Variants in LHX2 observed in about 807,000 individuals in gnomAD.
LHX2 encodes the protein LIM homeobox 2.
LHX2 carries 6 observed loss-of-function variants against 33.0 expected under a neutral mutation model. That is an observed-to-expected ratio of 0.18 (90% CI 0.10 to 0.36). The LOEUF is 0.36. Among genes scored for constraint, LHX2 ranks in the 10% least tolerant of loss-of-function variants. The pLI is 1.00. For synonymous variants in LHX2, 292 were observed against 253.1 expected (o/e 1.15, Z -1.46); for missense variants, 442 against 586.2 (o/e 0.75, Z 2.54).
At chr9:124,027,140 G>C (rs1262017381) in intron 4 of LHX2, among the ~76,000 whole-genome samples, 1 of 152,060 alleles carries the variant, frequency 6.6e-6, no homozygotes, top group Admixed American at 6.5e-5. Flanking sequence ...TAGAACCAAG[G>C]GTTTCTGATT....
At chr9:124,029,384 A>G (rs770092261) in intron 4 of LHX2, among the ~76,000 whole-genome samples, 50 of 152,250 alleles carry the variant, frequency 3.3e-4, no homozygotes, top group Non-Finnish European at 2.5e-4. Context: ...TCAAACTCTC[A>G]GGAGTGGACT....
At chr9:124,028,835 C>T (rs1217514124) in intron 4 of LHX2, among the ~76,000 whole-genome samples, 5 of 152,240 alleles carry the variant, frequency 3.3e-5, no homozygotes, top group South Asian at 2.1e-4. Context: ...AGGGCAGGCA[C>T]GGTGGCTCAT....
In LHX2 at chr9:124,021,268, C is replaced by T. The variant is rs1023798362; in HGVS notation, c.897C>T (p.Leu299=). Residue 299 remains leucine (L), a synonymous_variant, in exon 4 of 5, where the codon CTC becomes CTT. Coordinates refer to ENST00000373615, the MANE Select transcript of LHX2 (RefSeq NM_004789.4). The part of the protein sequence containing the change: ...HNPDAKDLKQ[L]AQKTGLTKRV... ...CCGACGCCAAGGACTTGAAGCAGCTCGCGCAAAAGACGGGCCTCACCAAGC... is the reference window on the plus strand; with the variant it reads ...CCGACGCCAAGGACTTGAAGCAGCTTGCGCAAAAGACGGGCCTCACCAAGC... The T allele has an allele frequency of 1.9e-6, 3 of 1,614,010 alleles. No individual in the cohort carries two copies. The highest frequency in any genetic ancestry group is 2.2e-5 in the South Asian group (2 of 91,082).
intron 3 of LHX2, among the ~76,000 whole-genome samples, chr9:124,017,045 A>G (rs1351991751): frequency 6.6e-6 from 1 of 152,096 alleles, no homozygotes; most frequent in Non-Finnish European, 1.5e-5. Context: ...GCAAAAAGAG[A>G]GTAGAAGGTA....
At position 124,012,147 on chromosome 9, in the gene LHX2, C is replaced by G. The variant is rs1231258448; in HGVS notation, c.-202C>G. ...CAGGCGCCCCGCAATGTAGCTGCCC[C>G]TGCGCCTCGGCGGGAGGCGTCCTGC... is the stretch of plus-strand genomic sequence containing the variant. On this transcript the variant is annotated 5_prime_UTR_variant, in exon 1 of 5. Transcript: ENST00000373615. The surrounding 1 kb of genome is among the most constrained non-coding windows in gnomAD (Gnocchi z 4.3). 2 of 268,758 alleles carry G rather than the reference C, an allele frequency of 7.4e-6. No individual in the cohort carries two copies. Among genetic ancestry groups the G allele is most frequent in the Non-Finnish European group, 1.3e-5 (2 of 155,468 alleles). The allele number at this position is 268,758 out of a possible 1,614,324, so 16.6% of individuals were successfully genotyped here. A position where few individuals can be genotyped will look rare whatever the true frequency, so the allele number is the denominator to read the frequency against.
chr9:124,032,533 G>A lies in LHX2; in HGVS notation c.1047G>A (p.Pro349=), dbSNP rs3739828. 7.9e-4 allele frequency: 1,275 copies of A among 1,613,864 alleles called. 39 individuals carry two copies. In the East Asian group the frequency reaches 0.028, roughly 35 times the overall value. The change falls in exon 5 of 5, where the codon CCG becomes CCA. Residue 349 remains proline, a synonymous_variant. Transcript: ENST00000373615. This position sits in a 1 kb window ranked among gnomAD's most constrained non-coding sequence, Gnocchi z 4.1. ...AALQTGTPSG[P]ASELSNASLS... ...TGCAGACAGGGACGCCATCGGGCCC[G>A]GCCTCGGAGCTCTCCAACGCCTCGC...
rs1859186299 is a variant in LHX2 at position 124,016,146 on chromosome 9, C to T, written c.727+621C>T. ...ACTTTTTCCTCCGAGTTTCCTGGCG[C>T]CTGCTGGGGTGAGGGCCGTGACCCT... On this transcript the variant is annotated intron_variant, in intron 3 of 4. Transcript: ENST00000373615. This position sits in a 1 kb window ranked among gnomAD's most constrained non-coding sequence, Gnocchi z 4.4. 6.6e-6 allele frequency among the ~76,000 whole-genome samples: 1 copy of T among 152,044 alleles called. No homozygotes were observed. Among genetic ancestry groups the T allele is most frequent in the Non-Finnish European group, 1.5e-5 (1 of 67,996 alleles).
At chr9:124,024,730 C>T (rs773360067) in intron 4 of LHX2, among the ~76,000 whole-genome samples, 3 of 152,174 alleles carry the variant, frequency 2.0e-5, no homozygotes, top group Non-Finnish European at 4.4e-5. Context: ...TTCTGCAACC[C>T]TCTTTGCACA....
In LHX2 at chr9:124,014,559, C is replaced by T. The variant is rs1402267297; in HGVS notation, c.323+396C>T. ...GAGTGAAACACAGCTGGAAAGAGAGCTGTGGGAGTGGGTGCATTTCCAGGT... is the reference window on the plus strand; with the variant it reads ...GAGTGAAACACAGCTGGAAAGAGAGTTGTGGGAGTGGGTGCATTTCCAGGT... On this transcript the variant is annotated intron_variant, in intron 2 of 4. Coordinates refer to ENST00000373615, the MANE Select transcript of LHX2 (RefSeq NM_004789.4). This position sits in a 1 kb window ranked among gnomAD's most constrained non-coding sequence, Gnocchi z 4.8. Among the ~76,000 whole-genome samples, 1 of 152,148 alleles carries T rather than the reference C, an allele frequency of 6.6e-6. No individual in the cohort carries two copies. Among genetic ancestry groups the T allele is most frequent in the African/African-American group, 2.4e-5 (1 of 41,436 alleles).
Position 124,015,119 on chromosome 9 carries a change from C to T in LHX2, c.324-3C>T, listed in dbSNP as rs770055097. 1.9e-6 allele frequency: 3 copies of T among 1,612,078 alleles called. No homozygotes were observed. Among genetic ancestry groups the T allele is most frequent in the East Asian group, 2.2e-5 (1 of 44,892 alleles). ...ACAGCCCCTCCCTCCATGGTCCCTA[C>T]AGGCGCTTCTCTGTGCAGCGCTGCG... On this transcript the variant is annotated splice_region_variant and splice_polypyrimidine_tract_variant and intron_variant, in intron 2 of 4. Transcript: ENST00000373615. The surrounding 1 kb of genome is among the most constrained non-coding windows in gnomAD (Gnocchi z 7.9).
chr9:124,025,440 CAAAAAAAAAAAAA>C (rs71999375), intron 4 of LHX2, among the ~76,000 whole-genome samples: 15 of 104,294 alleles, frequency 1.4e-4, no homozygotes, highest in Admixed American at 1.7e-4. Flanking sequence ...GACTCTGTCT[CAAAAAAAAAAAAA>C]AAAAAAAAAA....
chr9:124,032,951 C>T lies in LHX2; in HGVS notation c.*244C>T, dbSNP rs976090409. ...TCACTGTACAGTTTTGTGGACTGAG[C>T]GAGGAAAAACAACAAATAATTTAAG... is the stretch of plus-strand genomic sequence containing the variant. On this transcript the variant is annotated 3_prime_UTR_variant, in exon 5 of 5. Coordinates refer to ENST00000373615, the MANE Select transcript of LHX2 (RefSeq NM_004789.4). The surrounding 1 kb of genome is among the most constrained non-coding windows in gnomAD (Gnocchi z 4.1). 1.1e-5 allele frequency: 4 copies of T among 376,446 alleles called. No individual in the cohort carries two copies. The highest frequency in any genetic ancestry group is 2.1e-5 in the African/African-American group (1 of 47,982). The allele number at this position is 376,446 out of a possible 1,614,324, so 23.3% of individuals were successfully genotyped here.
At chr9:124,017,137 T>C (rs1859205350) in intron 3 of LHX2, among the ~76,000 whole-genome samples, 1 of 152,228 alleles carries the variant, frequency 6.6e-6, no homozygotes, top group South Asian at 2.1e-4. Flanking sequence ...CAAGCCTTGT[T>C]TAACCTCTAC....
At chr9:124,021,327 G>A in intron 4 of LHX2, 23 bp downstream of exon 4, 1 of 1,607,316 alleles carries the variant, frequency 6.2e-7, no homozygotes, top group Non-Finnish European at 8.5e-7. Context: ...CAGGGGTGAG[G>A]GCATCTGCGA....
intron 4 of LHX2, among the ~76,000 whole-genome samples, chr9:124,022,885 G>A (rs879644203): frequency 5.9e-5 from 9 of 152,214 alleles, no homozygotes; most frequent in Admixed American, 3.3e-4. Context: ...GGGAGGACTG[G>A]GTGACGTAGC....
chr9:124,029,102 A>G (rs1828673279), intron 4 of LHX2, among the ~76,000 whole-genome samples: 1 of 151,614 alleles, frequency 6.6e-6, no homozygotes, highest in South Asian at 2.1e-4. Flanking sequence ...ACAGAGCAAG[A>G]CTCTGTCTCA....
chr9:124,017,762 C>T (rs544112200), intron 3 of LHX2, among the ~76,000 whole-genome samples: 24 of 152,216 alleles, frequency 1.6e-4, no homozygotes, highest in Non-Finnish European at 2.9e-4. Flanking sequence ...GTCGGGGCGC[C>T]GGGCGCTGGG....
chr9:124,013,902 G>A (rs1452251883), intron 1 of LHX2, 59 bp from the exon 2 acceptor site: 49 of 1,539,552 alleles, frequency 3.2e-5, no homozygotes, highest in South Asian at 6.9e-5. Flanking sequence ...GTTTCCCGGC[G>A]GCGGAGGGGC....
At chr9:124,029,853 T>C (rs1828684274) in intron 4 of LHX2, among the ~76,000 whole-genome samples, 1 of 152,200 alleles carries the variant, frequency 6.6e-6, no homozygotes, top group Non-Finnish European at 1.5e-5. Context: ...TGCATGACTT[T>C]GGGGAAGTCA....
Sources: allele counts gnomAD v4.1 joint callset (sites outside exome capture counted in the v4.1 genomes callset), GRCh38; gene constraint gnomAD v4.1.1; non-coding constraint Gnocchi (gnomAD v3.1); transcripts MANE v1.5; gene names NCBI Gene and HGNC (gene_info 2026-07-23, HGNC 2026-07-21).